Variants in ABI2 observed in about 807,000 individuals in gnomAD.
The protein encoded by ABI2 is abelson interactor 2.
A neutral mutation model predicts 59.2 loss-of-function variants in ABI2; 25 were observed. The observed-to-expected ratio is 0.42, with a 90% CI of 0.31 to 0.59. The LOEUF is 0.59. Among genes scored for constraint, ABI2 ranks in the 20% least tolerant of loss-of-function variants. The pLI, the probability that ABI2 is intolerant of heterozygous loss-of-function variation, is 0.14. For synonymous variants in ABI2, 213 were observed against 235.5 expected (o/e 0.90, Z 0.87); for missense variants, 545 against 681.8 (o/e 0.80, Z 2.23).
At chr2:203,345,085 T>G (rs967134296) in intron 1 of ABI2, among the ~76,000 whole-genome samples, 3 of 152,178 alleles carry the variant, frequency 2.0e-5, no homozygotes, top group Non-Finnish European at 4.4e-5. Flanking sequence ...GTGGAAGCTT[T>G]CTTCTTAGGC....
At chr2:203,359,129 G>A (rs181786784) in intron 1 of ABI2, among the ~76,000 whole-genome samples, 7 of 152,024 alleles carry the variant, frequency 4.6e-5, no homozygotes, top group Admixed American at 4.6e-4. Flanking sequence ...CTTAGTGTAG[G>A]TCAGACTGTG....
At chr2:203,396,534 A>G (rs1325195568) in intron 7 of ABI2, among the ~76,000 whole-genome samples, 2 of 152,238 alleles carry the variant, frequency 1.3e-5, no homozygotes, top group African/African-American at 4.8e-5. Flanking sequence ...CTTCTGGAGT[A>G]GTGCTTTCAA....
At chr2:203,364,128 TTCTTG>T (rs1444682423) in intron 1 of ABI2, among the ~76,000 whole-genome samples, 1 of 151,318 alleles carries the variant, frequency 6.6e-6, no homozygotes, top group African/African-American at 2.4e-5. Flanking sequence ...GAGACAGAGT[TTCTTG>T]TCCAGGTTGG....
In ABI2 at chr2:203,427,434, T is replaced by A; in HGVS notation, c.*82T>A. 1 of 1,233,718 alleles carries A rather than the reference T, an allele frequency of 8.1e-7. No individual in the cohort carries two copies. Among genetic ancestry groups the A allele is most frequent in the Non-Finnish European group, 1.1e-6 (1 of 890,908 alleles). The allele number at this position is 1,233,718 out of a possible 1,614,324, so 76.4% of individuals were successfully genotyped here. A position where few individuals can be genotyped will look rare whatever the true frequency, so the allele number is the denominator to read the frequency against. ...GAAGGCCCTGGGGATTCCACTCCAG[T>A]AAAGTAGAATGAAGGATACAAATGA... On this transcript the variant is annotated 3_prime_UTR_variant, in exon 12 of 12. Coordinates refer to ENST00000261018, the MANE Select transcript of ABI2 (RefSeq NM_001375670.1).
At position 203,356,638 on chromosome 2, in the gene ABI2, A is replaced by G. The variant is rs117831748; in HGVS notation, c.118-10239A>G. Among the ~76,000 whole-genome samples, 69 of 152,196 alleles carry G rather than the reference A, an allele frequency of 4.5e-4. 1 individual carries two copies. The East Asian group carries it at 9.1e-3, about 20-fold the overall frequency. ...ACCCACCTTGGCCTCCGAAAGTGCT[A>G]TGATTGCAGGCGTTAGCCACCATTC... is the stretch of plus-strand genomic sequence containing the variant. On this transcript the variant is annotated intron_variant, in intron 1 of 11. Transcript: ENST00000261018.
At chr2:203,419,106 C>CT (rs748788810) in intron 11 of ABI2, among the ~76,000 whole-genome samples, 7,458 of 126,278 alleles carry the variant, frequency 0.059, 510 homozygotes, top group African/African-American at 0.13. Context: ...AATTAAAGAT[C>CT]TTTTTTTTTT....
At chr2:203,424,044 G>A (rs987852574) in intron 11 of ABI2, among the ~76,000 whole-genome samples, 3 of 152,110 alleles carry the variant, frequency 2.0e-5, no homozygotes, top group Non-Finnish European at 2.9e-5. Flanking sequence ...TTTCTTACAT[G>A]TGCTTTATCA....
intron 6 of ABI2, 167 bp downstream of exon 6, chr2:203,395,013 T>G (rs2096915390): frequency 1.2e-6 from 1 of 818,384 alleles, no homozygotes; most frequent in African/African-American, 1.7e-5. Context: ...GATTCAACTT[T>G]GAGCAGTCAG....
chr2:203,372,584 G>A lies in ABI2; in HGVS notation c.285+5540G>A, dbSNP rs372947714. Reference sequence around the variant, plus strand: ...TGACCCCCCCACCTCCCTCCCGGACGGGGCGGGTGGCTGGGCGGGGGACTG... The same window carrying A: ...TGACCCCCCCACCTCCCTCCCGGACAGGGCGGGTGGCTGGGCGGGGGACTG... On this transcript the variant is annotated intron_variant, in intron 2 of 11. Coordinates refer to ENST00000261018, the MANE Select transcript of ABI2 (RefSeq NM_001375670.1). Among the ~76,000 whole-genome samples the A allele has an allele frequency of 6.0e-4, 91 of 151,146 alleles. 1 individual carries two copies. The East Asian group carries it at 0.012, about 20-fold the overall frequency.
intron 11 of ABI2, among the ~76,000 whole-genome samples, chr2:203,420,819 A>C (rs530865853): frequency 6.6e-6 from 1 of 152,262 alleles, no homozygotes; most frequent in Non-Finnish European, 1.5e-5. Flanking sequence ...TTCTCAGAGA[A>C]CATGGCGTTC....
At chr2:203,335,494 C>T (rs1205662902) in intron 1 of ABI2, among the ~76,000 whole-genome samples, 1 of 152,126 alleles carries the variant, frequency 6.6e-6, no homozygotes, top group African/African-American at 2.4e-5. Context: ...AACACCTGGG[C>T]TCAAGCAATT....
intron 1 of ABI2, among the ~76,000 whole-genome samples, chr2:203,353,974 T>A (rs966433426): frequency 2.0e-5 from 3 of 152,260 alleles, no homozygotes; most frequent in Non-Finnish European, 4.4e-5. Flanking sequence ...CTTTTAGATT[T>A]ATTCATTGTA....
rs2087462418 is a variant in ABI2, at chr2:203,350,714, AT to A, written c.118-16158del. ...GCCACTGTGCGCAGCTAATTTTTAT[AT>A]TTTTATTAGAGATGGGGTTTCACCA... On this transcript the variant is annotated intron_variant, in intron 1 of 11. Coordinates refer to ENST00000261018, the MANE Select transcript of ABI2 (RefSeq NM_001375670.1). 2.7e-5 allele frequency among the ~76,000 whole-genome samples: 4 copies of A among 150,822 alleles called. No individual in the cohort carries two copies. In the South Asian group the frequency reaches 8.4e-4, roughly 32 times the overall value.
Position 203,427,698 on chromosome 2 carries a change from TGG to T in ABI2, c.*348_*349del. 5.8e-6 allele frequency: 1 copy of T among 171,950 alleles called. No homozygotes were observed. The highest frequency in any genetic ancestry group is 1.2e-5 in the Non-Finnish European group (1 of 80,004). The allele number at this position is 171,950 out of a possible 1,614,324, so 10.7% of individuals were successfully genotyped here. Reference sequence around the variant, plus strand: ...CTTTCTCAGGAATACTGTATACCCTTGGGATTTCTCCTCCTGCAGAATCTGTG... The same window carrying T: ...CTTTCTCAGGAATACTGTATACCCTTGATTTCTCCTCCTGCAGAATCTGTG... On this transcript the variant is annotated 3_prime_UTR_variant, in exon 12 of 12. Coordinates refer to ENST00000261018, the MANE Select transcript of ABI2 (RefSeq NM_001375670.1).
At chr2:203,349,047 C>T (rs893237250) in intron 1 of ABI2, among the ~76,000 whole-genome samples, 1 of 152,068 alleles carries the variant, frequency 6.6e-6, no homozygotes, top group Admixed American at 6.6e-5. Flanking sequence ...ATTCTCCTGC[C>T]TCAGCCTCCT....
chr2:203,368,984 A>AATTTTTTTTT lies in ABI2; in HGVS notation c.285+1940_285+1941insATTTTTTTTT, dbSNP rs1312712237. 5.5e-5 allele frequency among the ~76,000 whole-genome samples: 5 copies of AATTTTTTTTT among 91,118 alleles called. 2 individuals are homozygous for AATTTTTTTTT. The highest frequency in any genetic ancestry group is 2.1e-5 in the Non-Finnish European group (1 of 48,338). The allele number at this position is 91,118 out of a possible 152,430, so 59.8% of individuals were successfully genotyped here. A position where few individuals can be genotyped will look rare whatever the true frequency, so the allele number is the denominator to read the frequency against. Reference sequence around the variant, plus strand: ...TACAGGCACGTGCCATGCTTGGCTGATTTTTTTTTTTTTTTTTTTTTTTTT... The same window carrying AATTTTTTTTT: ...TACAGGCACGTGCCATGCTTGGCTGAATTTTTTTTTTTTTTTTTTTTTTTTTTTTTTTTTT... On this transcript the variant is annotated intron_variant, in intron 2 of 11. Coordinates refer to ENST00000261018, the MANE Select transcript of ABI2 (RefSeq NM_001375670.1).
At chr2:203,348,642 C>G (rs569523598) in intron 1 of ABI2, among the ~76,000 whole-genome samples, 1 of 152,108 alleles carries the variant, frequency 6.6e-6, no homozygotes, top group South Asian at 2.1e-4. Context: ...TTTATTTTAT[C>G]TTATTATTTT....
intron 1 of ABI2, among the ~76,000 whole-genome samples, chr2:203,332,053 A>G (rs1171363929): frequency 6.7e-6 from 1 of 149,672 alleles, no homozygotes; most frequent in Non-Finnish European, 1.5e-5. Context: ...CAGATGACCC[A>G]CCCACCTCGG....
intron 4 of ABI2, among the ~76,000 whole-genome samples, chr2:203,384,764 G>C (rs989857491): frequency 6.6e-6 from 1 of 151,566 alleles, no homozygotes; most frequent in Non-Finnish European, 1.5e-5. Flanking sequence ...TTAATCAAAA[G>C]TAATAAAAAC....
Sources: allele counts gnomAD v4.1 joint callset (sites outside exome capture counted in the v4.1 genomes callset), GRCh38; gene constraint gnomAD v4.1.1; transcripts MANE v1.5; gene names NCBI Gene and HGNC (gene_info 2026-07-23, HGNC 2026-07-21).